SERPINA11: variants seen among roughly 807,000 people sequenced by gnomAD.
SERPINA11 encodes the protein serpin A11.
A neutral mutation model predicts 29.4 loss-of-function variants in SERPINA11; 28 were observed. That is an observed-to-expected ratio of 0.95 (90% CI 0.70 to 1.30). The LOEUF (loss-of-function observed/expected upper bound fraction) is 1.30, where lower values mean the gene tolerates loss of function less well. SERPINA11 is among the 50% of genes most tolerant of loss of function. SERPINA11 has a pLI of 0.00. For missense variants in SERPINA11, 530 were observed against 507.3 expected (o/e 1.04, Z -0.43); for synonymous variants, 253 against 206.6 (o/e 1.22, Z -1.92).
At position 94,444,413 on chromosome 14, in the gene SERPINA11, G is replaced by A. The variant is rs189844980; in HGVS notation, c.918-1188C>T. ...ACTCTCTGGCACAAGGAATATCTGA[G>A]ATTTAGAGGAGTAACTTGGGTCAGT... On this transcript the variant is annotated intron_variant, in intron 3 of 4. Transcript: ENST00000334708. Among the ~76,000 whole-genome samples, 76 of 152,304 alleles carry A rather than the reference G, an allele frequency of 5.0e-4. 2 individuals are homozygous for A. In the East Asian group the frequency reaches 0.013, roughly 26 times the overall value.
At chr14:94,445,495 T>C (rs1898416630) in intron 3 of SERPINA11, among the ~76,000 whole-genome samples, 1 of 152,200 alleles carries the variant, frequency 6.6e-6, no homozygotes, top group Non-Finnish European at 1.5e-5. Flanking sequence ...CTTTAATGTT[T>C]ACAATGTTCT....
At chr14:94,442,955 G>A (rs1350399467) in intron 4 of SERPINA11, 123 bp downstream of exon 4, 5 of 1,287,330 alleles carry the variant, frequency 3.9e-6, no homozygotes, top group Admixed American at 2.3e-5. Context: ...TAAAGACTGT[G>A]GTATTAAATA....
At chr14:94,442,857 AG>A in intron 4 of SERPINA11, 48 bp from the exon 5 acceptor site, 1 of 1,476,198 alleles carries the variant, frequency 6.8e-7, no homozygotes, top group Non-Finnish European at 9.2e-7. Context: ...GGGGCCTTCA[AG>A]GGGAAGACAC....
In SERPINA11 at chr14:94,448,187, G is replaced by T. The variant is rs1017352721; in HGVS notation, c.588C>A (p.Leu196=). Residue 196 remains leucine, a synonymous_variant, in exon 2 of 5, where the codon CTC becomes CTA. Coordinates refer to ENST00000334708, the MANE Select transcript of SERPINA11 (RefSeq NM_001080451.2). Reference sequence around the variant, plus strand: ...TGAACGTGTCCTGGCTGAACTCCGGGAGGCAGTCCACGACTTGCCCGTATG... The same window carrying T: ...TGAACGTGTCCTGGCTGAACTCCGGTAGGCAGTCCACGACTTGCCCGTATG... ...RQTYGQVVDC[L]PEFSQDTFMV... 6.2e-7 allele frequency: 1 copy of T among 1,614,088 alleles called. No homozygotes were observed. The highest frequency in any genetic ancestry group is 8.5e-7 in the Non-Finnish European group (1 of 1,180,034).
At chr14:94,450,859 C>T (rs886655087) in intron 1 of SERPINA11, among the ~76,000 whole-genome samples, 2 of 151,492 alleles carry the variant, frequency 1.3e-5, no homozygotes, top group Non-Finnish European at 2.9e-5. Flanking sequence ...TCCATGCTCT[C>T]CTTTCCCTTT....
intron 3 of SERPINA11, among the ~76,000 whole-genome samples, chr14:94,444,677 T>C (rs982427163): frequency 5.6e-4 from 86 of 152,330 alleles, no homozygotes; most frequent in Admixed American, 3.2e-3. Flanking sequence ...GTGCCTCTTA[T>C]TTGGTGTTTT....
Position 94,442,599 on chromosome 14 carries a change from A to T in SERPINA11, c.*7T>A. On this transcript the variant is annotated 3_prime_UTR_variant, in exon 5 of 5. Coordinates refer to ENST00000334708, the MANE Select transcript of SERPINA11 (RefSeq NM_001080451.2). ...GAGATAAGATAACTCCTGGCCTCCC[A>T]CCATGGTTACCCTGCAACTGGGTTG... 6.3e-7 allele frequency: 1 copy of T among 1,599,802 alleles called. No individual in the cohort carries two copies. The highest frequency in any genetic ancestry group is 8.5e-7 in the Non-Finnish European group (1 of 1,171,758).
At chr14:94,443,859 A>G (rs1210539890) in intron 3 of SERPINA11, among the ~76,000 whole-genome samples, 1 of 152,118 alleles carries the variant, frequency 6.6e-6, no homozygotes, top group Admixed American at 6.5e-5. Context: ...TGATTGCCAC[A>G]TTTCCCTGGG....
At chr14:94,444,934 C>T (rs1304222346) in intron 3 of SERPINA11, among the ~76,000 whole-genome samples, 2 of 152,228 alleles carry the variant, frequency 1.3e-5, no homozygotes, top group Non-Finnish European at 2.9e-5. Flanking sequence ...GGCAGAAGTG[C>T]CACTGTGCTG....
At chr14:94,447,636 T>C (rs1265708771) in intron 2 of SERPINA11, among the ~76,000 whole-genome samples, 2 of 152,268 alleles carry the variant, frequency 1.3e-5, no homozygotes, top group Non-Finnish European at 2.9e-5. Flanking sequence ...TGTTTCCCTC[T>C]GCATTGCAAC....
Position 94,448,420 on chromosome 14 carries a change from A to G in SERPINA11, c.355T>C (p.Phe119Leu). 1 of 1,614,158 alleles carries G rather than the reference A, an allele frequency of 6.2e-7. No homozygotes were observed. Among genetic ancestry groups the G allele is most frequent in the East Asian group, 2.2e-5 (1 of 44,874 alleles). Residue 119 changes from phenylalanine to leucine, a missense_variant, in exon 2 of 5, where the codon TTC becomes CTC. Coordinates refer to ENST00000334708, the MANE Select transcript of SERPINA11 (RefSeq NM_001080451.2). ...ETPEADIHQG[F>L]RSLLHTLALP... is the part of the protein sequence containing the mutation. ...GCAAGGGTGTGGAGGAGGCTCCGGA[A>G]GCCCTGGTGGATGTCGGCTTCAGGG...
intron 1 of SERPINA11, among the ~76,000 whole-genome samples, chr14:94,449,599 C>G (rs1170493342): frequency 1.4e-5 from 2 of 147,300 alleles, no homozygotes; most frequent in Admixed American, 1.4e-4. Flanking sequence ...CTCCTTCTTC[C>G]TTCCTTCCCT....
chr14:94,442,793 A>C lies in SERPINA11; in HGVS notation c.1082T>G (p.Met361Arg). The C allele has an allele frequency of 6.2e-7, 1 of 1,608,608 alleles. No homozygotes were observed. Among genetic ancestry groups the C allele is most frequent in the South Asian group, 1.1e-5 (1 of 90,286 alleles). Reference protein sequence around the residue: ...KTISKVSHKAMVDMSEKGTEA... With the variant: ...KTISKVSHKARVDMSEKGTEA... ...GGTCCCCTTCTCACTCATGTCCACCATCGCCTTGTGTGACACCTAGAGGAC... is the reference window on the plus strand; with the variant it reads ...GGTCCCCTTCTCACTCATGTCCACCCTCGCCTTGTGTGACACCTAGAGGAC... Residue 361 changes from methionine to arginine, a missense_variant, in exon 5 of 5, where the codon ATG (methionine) becomes AGG (arginine). Transcript: ENST00000334708.
At chr14:94,448,927 T>G (rs756117976) in intron 1 of SERPINA11, 150 bp from the exon 2 acceptor site, 1 of 628,254 alleles carries the variant, frequency 1.6e-6, no homozygotes, top group Non-Finnish European at 2.5e-6. Context: ...TGATTAGGAT[T>G]CTGGACACTT....
rs141499225 is a variant in SERPINA11 at position 94,447,550 on chromosome 14, C to G, written c.643+582G>C. On this transcript the variant is annotated intron_variant, in intron 2 of 4. Transcript: ENST00000334708. The stretch of plus-strand genomic sequence containing the variant: ...TTGAGCTTCCTAAAACATATGTAAT[C>G]CTGTCACTTCACATTTAAAAGTCTT... Among the ~76,000 whole-genome samples, 266 of 152,312 alleles carry G rather than the reference C, an allele frequency of 1.7e-3. 1 individual carries two copies. Among genetic ancestry groups the G allele is most frequent in the African/African-American group, 6.1e-3 (252 of 41,582 alleles).
chr14:94,450,227 C>G (rs143821296), intron 1 of SERPINA11, among the ~76,000 whole-genome samples: 575 of 152,230 alleles, frequency 3.8e-3, no homozygotes, highest in African/African-American at 0.013. Context: ...TGAATTGTAC[C>G]TGCCCGAAAT....
chr14:94,450,895 C>G (rs1350087799), intron 1 of SERPINA11, among the ~76,000 whole-genome samples: 1 of 152,134 alleles, frequency 6.6e-6, no homozygotes, highest in Non-Finnish European at 1.5e-5. Flanking sequence ...ACCCTACACC[C>G]ATCTTCAGGT....
Position 94,442,600 on chromosome 14 carries a change from C to A in SERPINA11, c.*6G>T. The A allele has an allele frequency of 1.9e-6, 3 of 1,600,570 alleles. No homozygotes were observed. The highest frequency in any genetic ancestry group is 1.1e-5 in the South Asian group (1 of 89,112). On this transcript the variant is annotated 3_prime_UTR_variant, in exon 5 of 5. Transcript: ENST00000334708. Reference sequence around the variant, plus strand: ...AGATAAGATAACTCCTGGCCTCCCACCATGGTTACCCTGCAACTGGGTTGA... The same window carrying A: ...AGATAAGATAACTCCTGGCCTCCCAACATGGTTACCCTGCAACTGGGTTGA...
Position 94,448,567 on chromosome 14 carries a change from G to A in SERPINA11, c.208C>T (p.Pro70Ser), listed in dbSNP as rs751625781. Residue 70 changes from proline to serine, a missense_variant, in exon 2 of 5, where the codon CCC becomes TCC. Pro to Ser is a moderately conservative substitution (Grantham distance 74). Transcript: ENST00000334708. Reference protein sequence around the residue: ...RLYKELAADAPGNIFFSPVSI... With the variant: ...RLYKELAADASGNIFFSPVSI... Reference sequence around the variant, plus strand: ...ACTGGCGAGAAGAAGATGTTTCCGGGGGCGTCTGCTGCCAGCTCTTTATAC... The same window carrying A: ...ACTGGCGAGAAGAAGATGTTTCCGGAGGCGTCTGCTGCCAGCTCTTTATAC... The A allele has an allele frequency of 3.2e-5, 51 of 1,614,036 alleles. No homozygotes were observed. Among genetic ancestry groups the A allele is most frequent in the Non-Finnish European group, 4.1e-5 (48 of 1,180,040 alleles).
Sources: allele counts gnomAD v4.1 joint callset (sites outside exome capture counted in the v4.1 genomes callset), GRCh38; gene constraint gnomAD v4.1.1; transcripts MANE v1.5; gene names NCBI Gene and HGNC (gene_info 2026-07-23, HGNC 2026-07-21).